The following DLG2 variants were observed in gnomAD, a reference collection of about 807,000 sequenced individuals.
The protein encoded by DLG2 is disks large homolog 2.
Under a neutral mutation model 132.5 loss-of-function variants are expected in DLG2, and 45 were observed. That is an observed-to-expected ratio of 0.34 (90% confidence interval 0.27 to 0.44). DLG2 has a LOEUF of 0.44. Among genes scored for constraint, DLG2 ranks in the 20% least tolerant of loss-of-function variants. The probability of loss-of-function intolerance (pLI) is 1.00; values close to 1 mark genes in which losing one functional copy is unlikely to be tolerated. For synonymous variants in DLG2, 424 were observed against 419.6 expected (o/e 1.01, Z -0.13); for missense variants, 1,045 against 1,196.9 (o/e 0.87, Z 1.87).
chr11:85,529,583 T>C (rs970124581), intron 3 of DLG2, among the ~76,000 whole-genome samples: 1 of 152,194 alleles, frequency 6.6e-6, no homozygotes, highest in African/African-American at 2.4e-5. Context: ...TCTAGTATTC[T>C]TGACTTTGGT....
At chr11:84,944,047 C>T (rs1479439744) in intron 6 of DLG2, among the ~76,000 whole-genome samples, 1 of 152,054 alleles carries the variant, frequency 6.6e-6, no homozygotes, top group Non-Finnish European at 1.5e-5. Context: ...GTAAATATGT[C>T]GTGCCATTCT....
chr11:84,140,494 A>G (rs2094795372), intron 9 of DLG2, among the ~76,000 whole-genome samples: 1 of 152,164 alleles, frequency 6.6e-6, no homozygotes, highest in Admixed American at 6.5e-5. Context: ...TGTCTACAAC[A>G]CAATTGGAAC....
chr11:84,272,825 T>G (rs1310943485), intron 7 of DLG2, among the ~76,000 whole-genome samples: 1 of 152,178 alleles, frequency 6.6e-6, no homozygotes, highest in Admixed American at 6.5e-5. Context: ...AAATAAACAT[T>G]GCAGTTTATT....
At chr11:84,546,729 G>C (rs1180145301) in intron 6 of DLG2, 7 of 430,692 alleles carry the variant, frequency 1.6e-5, no homozygotes, top group Non-Finnish European at 2.7e-5. Flanking sequence ...GTCCATGAGT[G>C]CTCCCAATTG....
At chr11:84,926,059 G>T (rs12271605) in intron 6 of DLG2, among the ~76,000 whole-genome samples, 5,450 of 152,144 alleles carry the variant, frequency 0.036, 133 homozygotes, top group Non-Finnish European at 0.053. Context: ...ATTGGGAATT[G>T]TTTTAATATA....
At chr11:84,490,093 A>G (rs1318991066) in intron 7 of DLG2, among the ~76,000 whole-genome samples, 3 of 152,208 alleles carry the variant, frequency 2.0e-5, no homozygotes, top group African/African-American at 7.2e-5. Flanking sequence ...AGTGGTTAGC[A>G]AGAACACAAG....
intron 3 of DLG2, chr11:85,286,068 A>C (rs745703672): frequency 2.1e-4 from 91 of 438,444 alleles, no homozygotes; most frequent in Non-Finnish European, 3.9e-4. Context: ...AACCTCCAAG[A>C]AGTCAACAGG....
At chr11:83,928,547 T>C (rs998854645) in intron 15 of DLG2, among the ~76,000 whole-genome samples, 5 of 152,074 alleles carry the variant, frequency 3.3e-5, no homozygotes, top group Non-Finnish European at 7.4e-5. Context: ...GGAAGGAATA[T>C]GAGAAGTCGG....
chr11:85,403,623 T>C (rs555897029), intron 3 of DLG2, among the ~76,000 whole-genome samples: 13 of 152,050 alleles, frequency 8.5e-5, no homozygotes, highest in Non-Finnish European at 1.3e-4. Context: ...TAGAGTCTAG[T>C]GTTTTGTGGG....
intron 6 of DLG2, among the ~76,000 whole-genome samples, chr11:84,727,027 T>G (rs1203174524): frequency 6.6e-6 from 1 of 152,220 alleles, no homozygotes; most frequent in Non-Finnish European, 1.5e-5. Flanking sequence ...TTGCAAAAAT[T>G]TTCTCCCATT....
At chr11:85,188,148 T>C (rs2080261717) in intron 4 of DLG2, among the ~76,000 whole-genome samples, 1 of 152,156 alleles carries the variant, frequency 6.6e-6, no homozygotes, top group Non-Finnish European at 1.5e-5. Context: ...ACTTGAACTA[T>C]GAATGGAATC....
intron 15 of DLG2, among the ~76,000 whole-genome samples, chr11:83,886,902 A>G (rs1165319723): frequency 6.6e-6 from 1 of 150,446 alleles, no homozygotes; most frequent in East Asian, 1.9e-4. Context: ...GAAACCAACG[A>G]CAACAAAGAC....
At chr11:83,712,941 C>T (rs903615145) in intron 18 of DLG2, among the ~76,000 whole-genome samples, 1 of 151,010 alleles carries the variant, frequency 6.6e-6, no homozygotes, top group Non-Finnish European at 1.5e-5. Flanking sequence ...ACCTGCGCAT[C>T]CTGCCCATGT....
chr11:85,131,270 T>C (rs971082823), intron 5 of DLG2, among the ~76,000 whole-genome samples: 3 of 152,164 alleles, frequency 2.0e-5, no homozygotes, highest in South Asian at 2.1e-4. Flanking sequence ...GACTTCTAGT[T>C]TGGGTTCTCA....
intron 6 of DLG2, among the ~76,000 whole-genome samples, chr11:84,835,050 G>A (rs541947269): frequency 6.6e-6 from 1 of 151,728 alleles, no homozygotes; most frequent in African/African-American, 2.4e-5. Context: ...CATGCAGAGT[G>A]TCCTAAAGTT....
At chr11:84,721,489 TTTA>T (rs769359068) in intron 6 of DLG2, among the ~76,000 whole-genome samples, 56 of 152,202 alleles carry the variant, frequency 3.7e-4, no homozygotes, top group Non-Finnish European at 5.6e-4. Context: ...TGATGGATGT[TTTA>T]TTGTTTGTTT....
intron 7 of DLG2, among the ~76,000 whole-genome samples, chr11:84,505,266 T>G (rs2154512093): frequency 6.6e-6 from 1 of 152,272 alleles, no homozygotes; most frequent in East Asian, 1.9e-4. Context: ...AATTTTAGCT[T>G]TTAAATTAAA....
chr11:83,576,686 A>C (rs2096879043), intron 19 of DLG2, among the ~76,000 whole-genome samples: 1 of 152,218 alleles, frequency 6.6e-6, no homozygotes, highest in Non-Finnish European at 1.5e-5. Context: ...CAGATAAAAT[A>C]TCTTTCAAAA....
intron 15 of DLG2, among the ~76,000 whole-genome samples, chr11:83,926,850 T>C (rs1213945496): frequency 2.0e-5 from 3 of 152,266 alleles, no homozygotes; most frequent in South Asian, 4.1e-4. Context: ...CCCTGAATTA[T>C]TGGCTGCATT....
Sources: allele counts gnomAD v4.1 joint callset (sites outside exome capture counted in the v4.1 genomes callset), GRCh38; gene constraint gnomAD v4.1.1; transcripts MANE v1.5; gene names NCBI Gene and HGNC (gene_info 2026-07-23, HGNC 2026-07-21).